Variants in FRYL observed in about 807,000 individuals in gnomAD.
FRYL encodes FRY like transcription coactivator.
A neutral mutation model predicts 351.2 loss-of-function variants in FRYL; 150 were observed. The observed-to-expected ratio is 0.43, with a 90% confidence interval of 0.37 to 0.49. FRYL has a LOEUF of 0.49. Among genes scored for constraint, FRYL ranks in the 20% least tolerant of loss-of-function variants. FRYL has a pLI of 0.00. For synonymous variants in FRYL, 1,153 were observed against 1,257.1 expected (o/e 0.92, Z 1.75); for missense variants, 3,036 against 3,619.3 (o/e 0.84, Z 4.13).
chr4:48,589,977 T>C, intron 17 of FRYL, 100 bp from the exon 18 acceptor site: 4 of 1,047,062 alleles, frequency 3.8e-6, no homozygotes, highest in Non-Finnish European at 4.2e-6. Context: ...GATTAGCTTA[T>C]TGTTGCCACA....
intron 3 of FRYL, among the ~76,000 whole-genome samples, chr4:48,662,108 T>C (rs899785994): frequency 6.6e-6 from 1 of 152,108 alleles, no homozygotes; most frequent in African/African-American, 2.4e-5. Context: ...AATGGTCTAA[T>C]ATATATGGAA....
At chr4:48,624,920 G>A (rs369045109) in intron 4 of FRYL, among the ~76,000 whole-genome samples, 55 of 152,150 alleles carry the variant, frequency 3.6e-4, no homozygotes, top group Non-Finnish European at 3.2e-4. Context: ...CTAGGACATC[G>A]GTCTTTCTCT....
intron 21 of FRYL, 53 bp from the exon 22 acceptor site, chr4:48,581,004 A>C (rs1182979372): frequency 8.5e-7 from 1 of 1,169,952 alleles, no homozygotes; most frequent in Non-Finnish European, 1.2e-6. Flanking sequence ...TAAGCAAAGT[A>C]GCCAAACCCA....
rs187963956 is a variant in FRYL at position 48,554,608 on chromosome 4, G to A, written c.4267-1225C>T. ...CCTGCCTTGGCCTCCCAAAGTGCTGGGATTACAGGCGTGAGCCACAGCACC... is the reference window on the plus strand; with the variant it reads ...CCTGCCTTGGCCTCCCAAAGTGCTGAGATTACAGGCGTGAGCCACAGCACC... On this transcript the variant is annotated intron_variant, in intron 35 of 63. Transcript: ENST00000358350. Among the ~76,000 whole-genome samples the A allele has an allele frequency of 3.0e-4, 46 of 152,290 alleles. No individual in the cohort carries two copies. The East Asian group carries it at 5.8e-3, about 19-fold the overall frequency.
intron 3 of FRYL, among the ~76,000 whole-genome samples, chr4:48,677,732 T>C (rs1201121100): frequency 6.6e-6 from 1 of 152,224 alleles, no homozygotes; most frequent in Non-Finnish European, 1.5e-5. Flanking sequence ...TTTTTAAATA[T>C]TGAATTAGTA....
chr4:48,676,802 C>T (rs897055979), intron 3 of FRYL, among the ~76,000 whole-genome samples: 1 of 152,162 alleles, frequency 6.6e-6, no homozygotes, highest in Admixed American at 6.5e-5. Context: ...ACATTTTTCT[C>T]GGGAATTAAT....
chr4:48,773,247 C>A (rs1459838766), intron 1 of FRYL, among the ~76,000 whole-genome samples: 5 of 152,120 alleles, frequency 3.3e-5, no homozygotes, highest in Admixed American at 3.3e-4. Context: ...ACTAGTAGAG[C>A]TGATGAAAAT....
intron 9 of FRYL, among the ~76,000 whole-genome samples, chr4:48,608,346 T>C (rs1747303831): frequency 6.6e-6 from 1 of 152,148 alleles, no homozygotes; most frequent in Non-Finnish European, 1.5e-5. Context: ...TCTAAGAAAA[T>C]ATAATTTGAT....
intron 3 of FRYL, among the ~76,000 whole-genome samples, chr4:48,681,730 G>C (rs1764636403): frequency 6.6e-6 from 1 of 151,942 alleles, no homozygotes; most frequent in African/African-American, 2.4e-5. Flanking sequence ...CAATAGTAAT[G>C]GTGAAAACTT....
chr4:48,669,352 A>G (rs986657770), intron 3 of FRYL, among the ~76,000 whole-genome samples: 1 of 152,070 alleles, frequency 6.6e-6, no homozygotes, highest in Admixed American at 6.6e-5. Context: ...CCTTTAGTTT[A>G]TGAAACATAT....
At chr4:48,773,424 T>C (rs1334306155) in intron 1 of FRYL, among the ~76,000 whole-genome samples, 1 of 152,220 alleles carries the variant, frequency 6.6e-6, no homozygotes, top group Non-Finnish European at 1.5e-5. Context: ...CGATTAGAAC[T>C]AAGTACTTTT....
chr4:48,543,955 T>C lies in FRYL; in HGVS notation c.5444A>G (p.Gln1815Arg). 6.2e-7 allele frequency: 1 copy of C among 1,613,834 alleles called. No homozygotes were observed. Among genetic ancestry groups the C allele is most frequent in the Non-Finnish European group, 8.5e-7 (1 of 1,179,816 alleles). Residue 1815 changes from glutamine to arginine, a missense_variant, in exon 44 of 64, where the codon CAA (glutamine) becomes CGA (arginine). Transcript: ENST00000358350. Reference protein sequence around the residue: ...LEHHLSEVALQTALSCSSRHY... With the variant: ...LEHHLSEVALRTALSCSSRHY... ...TCGAGAAGAACAGGAAAGTGCTGTT[T>C]GCAGAGCAACTTCACTAAGATGATG...
At chr4:48,709,033 T>G (rs1767721124) in intron 2 of FRYL, among the ~76,000 whole-genome samples, 1 of 151,668 alleles carries the variant, frequency 6.6e-6, no homozygotes, top group African/African-American at 2.4e-5. Flanking sequence ...GCCATTCTCC[T>G]GCCTCAGCCT....
intron 8 of FRYL, 35 bp from the exon 9 acceptor site, chr4:48,609,102 T>A: frequency 7.6e-7 from 1 of 1,320,192 alleles, no homozygotes; most frequent in Non-Finnish European, 1.1e-6. Flanking sequence ...AACATTTCAT[T>A]AAATTTTTCT....
intron 3 of FRYL, among the ~76,000 whole-genome samples, chr4:48,670,062 A>ATCACC (rs1343244573): frequency 6.6e-6 from 1 of 152,230 alleles, no homozygotes; most frequent in African/African-American, 2.4e-5. Flanking sequence ...TGGAGTACCC[A>ATCACC]TCACCTCAAG....
chr4:48,576,339 T>C, intron 23 of FRYL, 117 bp from the exon 24 acceptor site: 1 of 778,106 alleles, frequency 1.3e-6, no homozygotes, highest in Non-Finnish European at 1.9e-6. Context: ...TGTCACTCTG[T>C]CACCCAGGCC....
At chr4:48,706,743 C>A (rs1250833082) in intron 2 of FRYL, among the ~76,000 whole-genome samples, 1 of 152,140 alleles carries the variant, frequency 6.6e-6, no homozygotes, top group Non-Finnish European at 1.5e-5. Context: ...TGGTTTCCAT[C>A]TTGGATGCCC....
At chr4:48,530,430 TC>T (rs1206397200) in intron 50 of FRYL, among the ~76,000 whole-genome samples, 2 of 152,098 alleles carry the variant, frequency 1.3e-5, no homozygotes, top group Non-Finnish European at 2.9e-5. Flanking sequence ...CCTCTCCTCC[TC>T]CCTGCTCTAT....
chr4:48,673,124 T>A (rs984481200), intron 3 of FRYL, among the ~76,000 whole-genome samples: 1 of 152,198 alleles, frequency 6.6e-6, no homozygotes, highest in African/African-American at 2.4e-5. Context: ...TAACACTTTG[T>A]AATGAAATGG....
Sources: allele counts gnomAD v4.1 joint callset (sites outside exome capture counted in the v4.1 genomes callset), GRCh38; gene constraint gnomAD v4.1.1; transcripts MANE v1.5; gene names NCBI Gene and HGNC (gene_info 2026-07-23, HGNC 2026-07-21).